FHIT: variants seen among roughly 807,000 people sequenced by gnomAD.
FHIT encodes fragile histidine triad diadenosine triphosphatase, also known as bis(5'-adenosyl)-triphosphatase.
A neutral mutation model predicts 17.9 loss-of-function variants in FHIT; 19 were observed. The observed-to-expected ratio is 1.06, with a 90% CI of 0.74 to 1.56. The LOEUF (loss-of-function observed/expected upper bound fraction) is 1.56. Ranked by LOEUF, FHIT falls within the 40% of genes most tolerant of loss-of-function variation. The pLI is 0.00. For synonymous variants in FHIT, 81 were observed against 69.7 expected (o/e 1.16, Z -0.81); for missense variants, 248 against 189.2 (o/e 1.31, Z -1.82).
intron 8 of FHIT, among the ~76,000 whole-genome samples, chr3:59,877,502 G>C (rs1446565817): frequency 6.6e-6 from 1 of 152,182 alleles, no homozygotes; most frequent in Non-Finnish European, 1.5e-5. Context: ...AGCATAAAGT[G>C]ACAAGTGACA....
In FHIT at chr3:61,251,339, G is replaced by A. The variant is rs1172474472; in HGVS notation, c.-251C>T. On this transcript the variant is annotated 5_prime_UTR_variant, in exon 1 of 10. Transcript: ENST00000492590. ...GACAGCTGGGAATGAAAGGCAGAGGGAGGGAGCGCGGGGCCGGAGCGCCGC... is the reference window on the plus strand; with the variant it reads ...GACAGCTGGGAATGAAAGGCAGAGGAAGGGAGCGCGGGGCCGGAGCGCCGC... The A allele has an allele frequency of 2.6e-5, 4 of 152,738 alleles. No homozygotes were observed. Among genetic ancestry groups the A allele is most frequent in the African/African-American group, 9.6e-5 (4 of 41,476 alleles). 9.5% of individuals were successfully genotyped at this position (152,738 alleles called of 1,614,324 possible).
intron 5 of FHIT, among the ~76,000 whole-genome samples, chr3:60,107,460 C>T (rs1229253612): frequency 6.6e-6 from 1 of 152,118 alleles, no homozygotes; most frequent in Non-Finnish European, 1.5e-5. Flanking sequence ...CATTGGGCAG[C>T]TTCTAACTGG....
intron 4 of FHIT, among the ~76,000 whole-genome samples, chr3:60,662,149 C>T (rs1553691302): frequency 6.6e-6 from 1 of 152,150 alleles, no homozygotes; most frequent in Non-Finnish European, 1.5e-5. Flanking sequence ...CCAATGTTAT[C>T]TTCTAGAAAT....
Position 59,754,018 on chromosome 3 carries a change from C to G in FHIT, c.349-1697G>C, listed in dbSNP as rs1047091453. Among the ~76,000 whole-genome samples the G allele has an allele frequency of 2.6e-4, 40 of 152,104 alleles. 1 individual carries two copies. Among genetic ancestry groups the G allele is most frequent in the Non-Finnish European group, 4.3e-4 (29 of 68,010 alleles). On this transcript the variant is annotated intron_variant, in intron 8 of 9. Transcript: ENST00000492590. ...TAATTTTGCCAACTCAGCAAAAAGT[C>G]TATCAACTAATAAATGACTTTTGCT... is the stretch of plus-strand genomic sequence containing the variant.
At chr3:60,396,931 T>A (rs922387669) in intron 5 of FHIT, among the ~76,000 whole-genome samples, 2 of 152,188 alleles carry the variant, frequency 1.3e-5, no homozygotes, top group African/African-American at 2.4e-5. Flanking sequence ...ATCCTCCTCA[T>A]ATCTAAGTTT....
intron 8 of FHIT, among the ~76,000 whole-genome samples, chr3:59,899,201 C>T (rs1191679618): frequency 6.6e-6 from 1 of 152,200 alleles, no homozygotes; most frequent in Non-Finnish European, 1.5e-5. Context: ...TAAGAGCTGA[C>T]ATTACCTCCA....
intron 4 of FHIT, among the ~76,000 whole-genome samples, chr3:60,602,392 G>A (rs1576953192): frequency 6.6e-6 from 1 of 152,126 alleles, no homozygotes; most frequent in Non-Finnish European, 1.5e-5. Context: ...CAGAGAAAAA[G>A]AAAAGGTGAC....
At chr3:60,950,301 C>T (rs1708820718) in intron 3 of FHIT, among the ~76,000 whole-genome samples, 1 of 152,108 alleles carries the variant, frequency 6.6e-6, no homozygotes, top group African/African-American at 2.4e-5. Flanking sequence ...CATTGCAAAA[C>T]AGTAGATACT....
intron 5 of FHIT, among the ~76,000 whole-genome samples, chr3:60,343,326 A>C (rs1710618328): frequency 6.6e-6 from 1 of 152,144 alleles, no homozygotes; most frequent in African/African-American, 2.4e-5. Context: ...GGACTTATCT[A>C]ATCAAAAGCC....
At chr3:60,691,808 A>T (rs1553699617) in intron 4 of FHIT, among the ~76,000 whole-genome samples, 1 of 152,140 alleles carries the variant, frequency 6.6e-6, no homozygotes. Context: ...ATCTAAACTT[A>T]TTCTCTCATT....
At chr3:60,276,299 T>C (rs1707131970) in intron 5 of FHIT, among the ~76,000 whole-genome samples, 1 of 152,170 alleles carries the variant, frequency 6.6e-6, no homozygotes, top group Non-Finnish European at 1.5e-5. Context: ...TTTTGTAATT[T>C]CTTATACTAC....
At chr3:60,298,743 G>A (rs111728889) in intron 5 of FHIT, among the ~76,000 whole-genome samples, 1 of 152,054 alleles carries the variant, frequency 6.6e-6, no homozygotes, top group Non-Finnish European at 1.5e-5. Context: ...TTCTTAGCCT[G>A]CTAATGTGTA....
At chr3:61,048,524 C>T (rs1336419394) in intron 2 of FHIT, among the ~76,000 whole-genome samples, 4 of 152,218 alleles carry the variant, frequency 2.6e-5, no homozygotes, top group East Asian at 1.9e-4. Context: ...TTTTACACTG[C>T]TGGTGGGACT....
In FHIT at chr3:60,900,504, T is replaced by C. The variant is rs527520174; in HGVS notation, c.-110-78493A>G. ...TAATAATACTTCAGTGCAATCTTTT[T>C]AGAAACCAAAAAAATCATGGTGAAG... On this transcript the variant is annotated intron_variant, in intron 3 of 9. Transcript: ENST00000492590. Among the ~76,000 whole-genome samples, 158 of 152,200 alleles carry C rather than the reference T, an allele frequency of 1.0e-3. 3 individuals are homozygous for C. Among genetic ancestry groups the C allele is most frequent in the Admixed American group, 8.5e-4 (13 of 15,284 alleles).
At chr3:59,892,639 A>G (rs17365525) in intron 8 of FHIT, among the ~76,000 whole-genome samples, 7,334 of 152,298 alleles carry the variant, frequency 0.048, 252 homozygotes, top group Non-Finnish European at 0.07. Context: ...CTGTGAAGCT[A>G]TATGGAATCA....
intron 5 of FHIT, among the ~76,000 whole-genome samples, chr3:60,487,346 T>C (rs1211414060): frequency 6.6e-6 from 1 of 152,220 alleles, no homozygotes; most frequent in Non-Finnish European, 1.5e-5. Flanking sequence ...GGCAGGCTCC[T>C]GCAGTTGCAC....
At chr3:60,290,633 C>T (rs1707938137) in intron 5 of FHIT, among the ~76,000 whole-genome samples, 1 of 152,092 alleles carries the variant, frequency 6.6e-6, no homozygotes, top group Non-Finnish European at 1.5e-5. Context: ...AAGGAAAGGT[C>T]TAGAAAAGGA....
At chr3:61,072,382 G>A (rs892325134) in intron 2 of FHIT, among the ~76,000 whole-genome samples, 18 of 152,170 alleles carry the variant, frequency 1.2e-4, no homozygotes, top group Non-Finnish European at 2.5e-4. Flanking sequence ...TCACTTCAGG[G>A]TATGGTTTGA....
At chr3:61,213,493 C>T (rs2039559801) in intron 1 of FHIT, among the ~76,000 whole-genome samples, 1 of 152,316 alleles carries the variant, frequency 6.6e-6, no homozygotes, top group African/African-American at 2.4e-5. Context: ...CAGGAGCACC[C>T]AGATTCATAA....
Sources: allele counts gnomAD v4.1 joint callset (sites outside exome capture counted in the v4.1 genomes callset), GRCh38; gene constraint gnomAD v4.1.1; transcripts MANE v1.5; gene names NCBI Gene and HGNC (gene_info 2026-07-23, HGNC 2026-07-21).